The following RGS9 variants were observed in gnomAD, a reference collection of about 807,000 sequenced individuals.
The protein encoded by RGS9 is regulator of G-protein signalling 9.
RGS9 carries 78 observed loss-of-function variants against 102.0 expected under a neutral mutation model. The observed-to-expected ratio is 0.76, with a 90% CI of 0.64 to 0.92. The LOEUF is 0.92. Ranked by LOEUF, RGS9 falls within the 40% of genes least tolerant of loss-of-function variation. The pLI is 0.00. For missense variants in RGS9, 833 were observed against 866.1 expected (o/e 0.96, Z 0.48); for synonymous variants, 353 against 318.6 (o/e 1.11, Z -1.15).
At chr17:65,222,882 G>A (rs1324908141) in intron 17 of RGS9, among the ~76,000 whole-genome samples, 1 of 152,160 alleles carries the variant, frequency 6.6e-6, no homozygotes, top group Non-Finnish European at 1.5e-5. Flanking sequence ...TTTGTACTAA[G>A]CACCCTGAGT....
chr17:65,206,901 A>G (rs1029070767), intron 15 of RGS9, among the ~76,000 whole-genome samples: 3 of 152,138 alleles, frequency 2.0e-5, no homozygotes, highest in African/African-American at 7.2e-5. Context: ...CCTAGACTCT[A>G]TCCTAGTTCT....
intron 18 of RGS9, among the ~76,000 whole-genome samples, chr17:65,226,060 G>T (rs1216610725): frequency 6.6e-6 from 1 of 152,160 alleles, no homozygotes; most frequent in Non-Finnish European, 1.5e-5. Context: ...CCTGAGGGGG[G>T]GCCCCTCTAA....
intron 1 of RGS9, among the ~76,000 whole-genome samples, chr17:65,146,090 T>G (rs1214212541): frequency 1.3e-5 from 2 of 152,154 alleles, no homozygotes; most frequent in Non-Finnish European, 2.9e-5. Context: ...TTTTTTTAAA[T>G]GCAAAGACAA....
At chr17:65,222,819 G>A (rs923614637) in intron 17 of RGS9, among the ~76,000 whole-genome samples, 7 of 152,124 alleles carry the variant, frequency 4.6e-5, no homozygotes, top group Admixed American at 2.6e-4. Flanking sequence ...TCCTTCAGTC[G>A]CACCCCCCTG....
chr17:65,177,674 T>A, intron 8 of RGS9, 58 bp from the exon 9 acceptor site: 1 of 1,517,012 alleles, frequency 6.6e-7, no homozygotes, highest in Non-Finnish European at 9.2e-7. Context: ...GACCCACAGT[T>A]AACCAGAAAC....
rs145329630 is a variant in RGS9, at chr17:65,226,309, G to A, written c.1892+823G>A. On this transcript the variant is annotated intron_variant, in intron 18 of 18. Transcript: ENST00000262406. Reference sequence around the variant, plus strand: ...CATGTGTTTGGCCTCGTCTGGGCTTGGAGAAGAAAGCACCATGCAGAAGTC... The same window carrying A: ...CATGTGTTTGGCCTCGTCTGGGCTTAGAGAAGAAAGCACCATGCAGAAGTC... Among the ~76,000 whole-genome samples, 547 of 152,282 alleles carry A rather than the reference G, an allele frequency of 3.6e-3. 1 individual carries two copies. The highest frequency in any genetic ancestry group is 0.012 in the African/African-American group (505 of 41,548).
At chr17:65,176,095 T>C (rs1197105268) in intron 8 of RGS9, among the ~76,000 whole-genome samples, 1 of 152,192 alleles carries the variant, frequency 6.6e-6, no homozygotes, top group Non-Finnish European at 1.5e-5. Context: ...GCCAACCTGG[T>C]TGGTCACATG....
At chr17:65,203,152 C>T (rs1173226319) in intron 14 of RGS9, among the ~76,000 whole-genome samples, 5 of 152,146 alleles carry the variant, frequency 3.3e-5, no homozygotes, top group Non-Finnish European at 5.9e-5. Context: ...AGAGAAGCAC[C>T]AGCAGCATTG....
At chr17:65,161,489 T>A (rs1910980299) in intron 6 of RGS9, among the ~76,000 whole-genome samples, 1 of 152,134 alleles carries the variant, frequency 6.6e-6, no homozygotes, top group South Asian at 2.1e-4. Flanking sequence ...TGACCTCAAG[T>A]GATCTGCCTG....
At chr17:65,147,233 C>T (rs531893807) in intron 1 of RGS9, among the ~76,000 whole-genome samples, 4 of 152,286 alleles carry the variant, frequency 2.6e-5, no homozygotes, top group South Asian at 4.1e-4. Context: ...AGAATGTGTC[C>T]GTGCAGAGGA....
chr17:65,182,962 C>G (rs1385699944), intron 9 of RGS9, among the ~76,000 whole-genome samples: 6 of 152,210 alleles, frequency 3.9e-5, no homozygotes, highest in African/African-American at 1.4e-4. Context: ...TCTACCTCTA[C>G]TTGATGAGGT....
chr17:65,200,475 A>T (rs1356691574), intron 13 of RGS9, among the ~76,000 whole-genome samples: 1 of 152,254 alleles, frequency 6.6e-6, no homozygotes, highest in Non-Finnish European at 1.5e-5. Context: ...TTTACTAAGC[A>T]ATCAACTGTC....
rs766182990 is a variant in RGS9, at chr17:65,225,083, T to C, written c.1489T>C (p.Ser497Pro). The C allele has an allele frequency of 1.9e-6, 3 of 1,613,622 alleles. No homozygotes were observed. Among genetic ancestry groups the C allele is most frequent in the Non-Finnish European group, 1.7e-6 (2 of 1,179,928 alleles). Residue 497 changes from serine to proline, a missense_variant, in exon 18 of 19, where the codon TCC becomes CCC. Physicochemically the swap from Ser to Pro is moderately conservative, Grantham distance 74. Transcript: ENST00000262406. ...GCCCCCGTCTCCTTCTAGCCCCTTCTCCTCCTCCTGCCGCTCCCCCAGGAA... is the reference window on the plus strand; with the variant it reads ...GCCCCCGTCTCCTTCTAGCCCCTTCCCCTCCTCCTGCCGCTCCCCCAGGAA... The part of the protein sequence containing the change: ...CMPPSPSSPF[S>P]SSCRSPRKPF...
chr17:65,207,832 G>T (rs1913126805), intron 15 of RGS9, 90 bp from the exon 16 acceptor site: 2 of 897,690 alleles, frequency 2.2e-6, no homozygotes, highest in Non-Finnish European at 3.6e-6. Flanking sequence ...CCATTCTACT[G>T]CCAAGGGAGG....
chr17:65,217,570 A>AGT (rs543578568), intron 17 of RGS9, among the ~76,000 whole-genome samples: 1 of 151,228 alleles, frequency 6.6e-6, no homozygotes. Flanking sequence ...AAGTAAGGAG[A>AGT]GTGAGCTGTG....
At chr17:65,223,752 C>CTTTTTTTTTTTTTTTTTTTTT (rs528795738) in intron 17 of RGS9, among the ~76,000 whole-genome samples, 1 of 137,592 alleles carries the variant, frequency 7.3e-6, no homozygotes, top group Non-Finnish European at 1.6e-5. Flanking sequence ...TCATGCCAGG[C>CTTTTTTTTTTTTTTTTTTTTT]TTTTTTTTTT....
Position 65,168,294 on chromosome 17 carries a change from C to A in RGS9, c.582+13C>A. 6.3e-7 allele frequency: 1 copy of A among 1,585,154 alleles called. No individual in the cohort carries two copies. The highest frequency in any genetic ancestry group is 2.3e-5 in the East Asian group (1 of 44,406). On this transcript the variant is annotated intron_variant, in intron 8 of 18. Coordinates refer to ENST00000262406, the MANE Select transcript of RGS9 (RefSeq NM_003835.4). ...GCACCGATGCCCTGTGAGTATCCTC[C>A]TGCCTGGTGTCCTCTGTCTCTTCCT...
At position 65,173,032 on chromosome 17, in the gene RGS9, C is replaced by G. The variant is rs146724989; in HGVS notation, c.583-4700C>G. On this transcript the variant is annotated intron_variant, in intron 8 of 18. Coordinates refer to ENST00000262406, the MANE Select transcript of RGS9 (RefSeq NM_003835.4). This position sits in a 1 kb window ranked among gnomAD's most constrained non-coding sequence, Gnocchi z 4.8. Reference sequence around the variant, plus strand: ...TCGCCTCCTGGGTTCCAGCGATTCTCCTGCCTCAGCCTGCCGAGTAGCTGG... The same window carrying G: ...TCGCCTCCTGGGTTCCAGCGATTCTGCTGCCTCAGCCTGCCGAGTAGCTGG... Among the ~76,000 whole-genome samples the G allele has an allele frequency of 9.2e-5, 14 of 151,996 alleles. No individual in the cohort carries two copies. Among genetic ancestry groups the G allele is most frequent in the Admixed American group, 2.0e-4 (3 of 15,268 alleles).
At chr17:65,161,778 G>C (rs1910997169) in intron 6 of RGS9, among the ~76,000 whole-genome samples, 1 of 151,638 alleles carries the variant, frequency 6.6e-6, no homozygotes, top group Non-Finnish European at 1.5e-5. Flanking sequence ...GGCCTATAGT[G>C]GTGCAGTCTC....
Sources: gnomAD v4.1 joint callset for allele counts (sites outside exome capture counted in the v4.1 genomes callset) on GRCh38, gnomAD v4.1.1 for gene constraint, Gnocchi (gnomAD v3.1) non-coding constraint, MANE v1.5 for transcripts, NCBI Gene and HGNC (gene_info 2026-07-23, HGNC 2026-07-21) for gene names.